UEVLD: variants seen among roughly 807,000 people sequenced by gnomAD.
The protein encoded by UEVLD is UEV and lactate/malate dehyrogenase domains.
UEVLD carries 47 observed loss-of-function variants against 58.6 expected under a neutral mutation model. That is an observed-to-expected ratio of 0.80 (90% CI 0.63 to 1.02). UEVLD has a LOEUF of 1.02. Ranked by LOEUF, UEVLD falls within the 50% of genes least tolerant of loss-of-function variation. UEVLD has a pLI of 0.00. For missense variants in UEVLD, 510 were observed against 550.6 expected (o/e 0.93, Z 0.74); for synonymous variants, 197 against 195.3 (o/e 1.01, Z -0.07).
At chr11:18,541,135 T>C (rs1851036211) in intron 9 of UEVLD, among the ~76,000 whole-genome samples, 2 of 152,240 alleles carry the variant, frequency 1.3e-5, no homozygotes, top group Non-Finnish European at 2.9e-5. Flanking sequence ...ATTTTCTCTT[T>C]ATGAGACTTA....
chr11:18,569,187 C>T (rs911674325), intron 4 of UEVLD, among the ~76,000 whole-genome samples: 1 of 152,140 alleles, frequency 6.6e-6, no homozygotes, highest in Non-Finnish European at 1.5e-5. Flanking sequence ...AGCCACTGCA[C>T]CTGGCCTCAT....
At chr11:18,553,050 G>T (rs111775238) in intron 7 of UEVLD, among the ~76,000 whole-genome samples, 4 of 151,822 alleles carry the variant, frequency 2.6e-5, no homozygotes, top group Non-Finnish European at 4.4e-5. Flanking sequence ...AGCTACTTGG[G>T]AGGCTGAGGC....
intron 6 of UEVLD, among the ~76,000 whole-genome samples, chr11:18,561,520 C>A (rs956885003): frequency 4.0e-5 from 6 of 148,712 alleles, no homozygotes; most frequent in Non-Finnish European, 7.4e-5. Context: ...TCGCTTGAAC[C>A]CGGGAGGCAG....
chr11:18,549,530 T>G (rs978667107), intron 7 of UEVLD, among the ~76,000 whole-genome samples: 1 of 152,120 alleles, frequency 6.6e-6, no homozygotes. Context: ...GTGATTCTCC[T>G]GCCTCAGCTT....
intron 7 of UEVLD, among the ~76,000 whole-genome samples, chr11:18,548,416 C>T (rs940959777): frequency 2.0e-5 from 3 of 152,112 alleles, no homozygotes; most frequent in Non-Finnish European, 2.9e-5. Context: ...AATTAAGCCT[C>T]TAAGGCCATC....
chr11:18,535,009 T>C (rs959897111), intron 10 of UEVLD, among the ~76,000 whole-genome samples: 2 of 152,256 alleles, frequency 1.3e-5, no homozygotes, highest in Non-Finnish European at 2.9e-5. Flanking sequence ...TAGTACCATG[T>C]AGCTTTTGAG....
At chr11:18,546,759 A>G in intron 8 of UEVLD, 121 bp downstream of exon 8, 2 of 1,072,706 alleles carry the variant, frequency 1.9e-6, no homozygotes, top group Admixed American at 3.0e-5. Context: ...TCAGACTCCC[A>G]GTGTTGGGAT....
intron 2 of UEVLD, 79 bp from the exon 3 acceptor site, chr11:18,575,491 T>C: frequency 1.5e-6 from 2 of 1,358,464 alleles, no homozygotes; most frequent in Non-Finnish European, 2.0e-6. Flanking sequence ...AGTGTGCACA[T>C]GTGTGTGCTC....
intron 6 of UEVLD, chr11:18,564,074 T>G (rs1367656883): frequency 4.2e-6 from 1 of 236,236 alleles, no homozygotes; most frequent in East Asian, 1.0e-4. Context: ...AACTACAGCA[T>G]GCCAAAAGTT....
intron 5 of UEVLD, 23 bp downstream of exon 5, chr11:18,566,324 A>T (rs762997201): frequency 6.2e-7 from 1 of 1,613,064 alleles, no homozygotes; most frequent in Admixed American, 1.7e-5. Flanking sequence ...TCTCAAGATA[A>T]TCTGCCTGAC....
At chr11:18,575,547 T>C (rs1376337555) in intron 2 of UEVLD, 135 bp from the exon 3 acceptor site, 5 of 788,548 alleles carry the variant, frequency 6.3e-6, no homozygotes, top group East Asian at 5.3e-5. Context: ...AAACATAATC[T>C]AGGAATCGGT....
At chr11:18,560,138 C>CAGAGAG (rs112126418) in intron 6 of UEVLD, among the ~76,000 whole-genome samples, 1 of 74,816 alleles carries the variant, frequency 1.3e-5, no homozygotes, top group Non-Finnish European at 2.5e-5. Flanking sequence ...CACACACACA[C>CAGAGAG]AGAGAGAGAA....
At chr11:18,539,970 T>G (rs1850986010) in intron 9 of UEVLD, among the ~76,000 whole-genome samples, 1 of 152,266 alleles carries the variant, frequency 6.6e-6, no homozygotes, top group Admixed American at 6.5e-5. Flanking sequence ...CAAATCCTAA[T>G]GTTGCTTTAC....
intron 10 of UEVLD, 106 bp downstream of exon 10, chr11:18,536,300 A>C: frequency 7.9e-6 from 8 of 1,011,384 alleles, no homozygotes; most frequent in Non-Finnish European, 1.2e-5. Context: ...TGTCCATATT[A>C]GTTTTGTTTC....
Position 18,570,325 on chromosome 11 carries a change from G to T in UEVLD, c.246C>A (p.Phe82Leu). The change falls in exon 4 of 12, where the codon TTC becomes TTA. Residue 82 changes from phenylalanine to leucine, a missense_variant. Physicochemically the swap from Phe to Leu is conservative, Grantham distance 22. Coordinates refer to ENST00000396197, the MANE Select transcript of UEVLD (RefSeq NM_001040697.4). ...GCTTCAAGAAGCAAATAGGGGGAGC[G>T]AAAGGGTGAGAATCCAAAATCCAGA... is the stretch of plus-strand genomic sequence containing the variant. ...IRFWILDSHPFAPPICFLKPT... is the reference protein window; with the variant it reads ...IRFWILDSHPLAPPICFLKPT... 1 of 1,581,270 alleles carries T rather than the reference G, an allele frequency of 6.3e-7. No individual in the cohort carries two copies. Among genetic ancestry groups the T allele is most frequent in the South Asian group, 1.2e-5 (1 of 85,204 alleles).
At position 18,577,688 on chromosome 11, in the gene UEVLD, G is replaced by A. The variant is rs191037481; in HGVS notation, c.127+1036C>T. Reference sequence around the variant, plus strand: ...AGTTCGAGACCAGACTGGCCAACATGGTGAAACCCCATCTCTACTAAAAAT... The same window carrying A: ...AGTTCGAGACCAGACTGGCCAACATAGTGAAACCCCATCTCTACTAAAAAT... On this transcript the variant is annotated intron_variant, in intron 2 of 11. Coordinates refer to ENST00000396197, the MANE Select transcript of UEVLD (RefSeq NM_001040697.4). Among the ~76,000 whole-genome samples the A allele has an allele frequency of 7.0e-3, 1,070 of 152,160 alleles. 12 individuals are homozygous for A. Among genetic ancestry groups the A allele is most frequent in the Non-Finnish European group, 0.012 (782 of 67,992 alleles).
At chr11:18,569,425 G>A (rs1208153870) in intron 4 of UEVLD, among the ~76,000 whole-genome samples, 1 of 152,168 alleles carries the variant, frequency 6.6e-6, no homozygotes, top group East Asian at 1.9e-4. Flanking sequence ...GGCCAATTTA[G>A]TAATATATAA....
intron 7 of UEVLD, among the ~76,000 whole-genome samples, chr11:18,557,126 T>C (rs1294503204): frequency 6.6e-6 from 1 of 151,636 alleles, no homozygotes; most frequent in African/African-American, 2.4e-5. Context: ...GATAGAAAAT[T>C]TAACATTTCA....
chr11:18,565,600 G>A (rs958507386), intron 5 of UEVLD, among the ~76,000 whole-genome samples: 10 of 152,132 alleles, frequency 6.6e-5, no homozygotes, highest in Non-Finnish European at 1.2e-4. Context: ...AAGCCAAGGC[G>A]GGAGGATCAC....
Sources: allele counts gnomAD v4.1 joint callset (sites outside exome capture counted in the v4.1 genomes callset), GRCh38; gene constraint gnomAD v4.1.1; transcripts MANE v1.5; gene names NCBI Gene and HGNC (gene_info 2026-07-23, HGNC 2026-07-21).